The following ZNF334 variants were observed in gnomAD, a reference collection of about 807,000 sequenced individuals.
ZNF334 encodes zinc finger protein 334.
Under a neutral mutation model 12.4 loss-of-function variants are expected in ZNF334, and 14 were observed. That is an observed-to-expected ratio of 1.13 (90% CI 0.74 to 1.76). The LOEUF is 1.76. ZNF334 is among the 40% of genes most tolerant of loss of function. The pLI is 0.00. For missense variants in ZNF334, 797 were observed against 804.5 expected, an observed-to-expected ratio of 0.99 and a Z score of 0.11; for synonymous variants, 273 against 269.6, an observed-to-expected ratio of 1.01 and a Z score of -0.12.
At chr20:46,490,715 T>A in the ZNF334 span, among the ~76,000 whole-genome samples, 3 of 152,212 alleles carry the variant, frequency 2.0e-5, no homozygotes, top group Non-Finnish European at 2.9e-5. Flanking sequence ...CTTCTCATCC[T>A]ACCCCTCTAA....
chr20:46,464,209 A>G, the ZNF334 span: 2 of 530,900 alleles, frequency 3.8e-6, no homozygotes, highest in Admixed American at 2.0e-5. Context: ...TCCTTCATCA[A>G]AATCCCTGCA....
At chr20:46,477,437 C>G in the ZNF334 span, among the ~76,000 whole-genome samples, 1 of 151,980 alleles carries the variant, frequency 6.6e-6, no homozygotes, top group South Asian at 2.1e-4. Context: ...TGGTGGGGCT[C>G]AAGTGATCTT....
chr20:46,488,804 G>GTT, the ZNF334 span, among the ~76,000 whole-genome samples: 18 of 104,130 alleles, frequency 1.7e-4, no homozygotes, highest in East Asian at 2.6e-3. Context: ...CTAGTTAATA[G>GTT]TTTTTTTTTT....
chr20:46,508,703 G>T (rs1308284876), intron 2 of ZNF334, among the ~76,000 whole-genome samples: 1 of 152,108 alleles, frequency 6.6e-6, no homozygotes, highest in Non-Finnish European at 1.5e-5. Flanking sequence ...GGAAGGAGAG[G>T]GAAGGAAGGA....
the ZNF334 span, among the ~76,000 whole-genome samples, chr20:46,490,714 C>T: frequency 6.6e-6 from 1 of 152,176 alleles, no homozygotes; most frequent in African/African-American, 2.4e-5. Flanking sequence ...ACTTCTCATC[C>T]TACCCCTCTA....
chr20:46,502,790 G>C lies in ZNF334; in HGVS notation c.549C>G (p.Tyr183Ter). Residue 183 changes from tyrosine to a stop codon, truncating the protein, a stop_gained, in exon 5 of 5, where the codon TAC becomes TAG. Coordinates refer to ENST00000692313, the MANE Select transcript of ZNF334 (RefSeq NM_001353824.2). LOFTEE classifies it low-confidence loss of function (END_TRUNC). ...KSHLGMKKYR[Y>*]NPMRKASNQN... ...GATTGCTGGCTTTCCTCATTGGATT[G>C]TATCTGTATTTTTTCATTCCCAAAT... The C allele has an allele frequency of 6.2e-7, 1 of 1,613,832 alleles. No homozygotes were observed. The highest frequency in any genetic ancestry group is 8.5e-7 in the Non-Finnish European group (1 of 1,179,978).
chr20:46,486,909 G>A, the ZNF334 span, among the ~76,000 whole-genome samples: 2 of 152,064 alleles, frequency 1.3e-5, no homozygotes, highest in Admixed American at 6.5e-5. Flanking sequence ...TGATATTCTC[G>A]TCATCCACTC....
At chr20:46,510,001 A>G (rs1438114265) in intron 2 of ZNF334, among the ~76,000 whole-genome samples, 2 of 152,226 alleles carry the variant, frequency 1.3e-5, no homozygotes, top group African/African-American at 4.8e-5. Flanking sequence ...AGCTGAATGT[A>G]GACCATCTAG....
chr20:46,509,080 T>C (rs1276922775), intron 2 of ZNF334, among the ~76,000 whole-genome samples: 3 of 152,222 alleles, frequency 2.0e-5, no homozygotes, highest in Non-Finnish European at 4.4e-5. Flanking sequence ...CATAGAAATT[T>C]AACCTAAAAG....
Position 46,501,920 on chromosome 20 carries a change from C to G in ZNF334, c.1419G>C (p.Lys473Asn). 6.2e-7 allele frequency: 1 copy of G among 1,614,094 alleles called. No homozygotes were observed. Among genetic ancestry groups the G allele is most frequent in the South Asian group, 1.1e-5 (1 of 91,080 alleles). The change falls in exon 5 of 5, where the codon AAG becomes AAC. Residue 473 changes from lysine to asparagine, a missense_variant. Lys to Asn is a moderately conservative substitution (Grantham distance 94). Transcript: ENST00000692313. Reference protein sequence around the residue: ...CNECGKFFCHKSTLTIHQRTH... With the variant: ...CNECGKFFCHNSTLTIHQRTH... The stretch of plus-strand genomic sequence containing the variant: ...TTCTCTGATGTATAGTGAGTGTTGA[C>G]TTATGGCAGAAAAATTTCCCACATT...
chr20:46,502,932 C>T lies in ZNF334; in HGVS notation c.407G>A (p.Cys136Tyr), dbSNP rs2061294127. ...TTTCAAACTGTTTCCTCCTGGATTACATTTATAGGGCATTTTTCTTGAGGG... is the reference window on the plus strand; with the variant it reads ...TTTCAAACTGTTTCCTCCTGGATTATATTTATAGGGCATTTTTCTTGAGGG... ...SVPSRKMPYKCNPGGNSLKTN... is the reference protein window; with the variant it reads ...SVPSRKMPYKYNPGGNSLKTN... The change falls in exon 5 of 5, where the codon TGT (cysteine) becomes TAT (tyrosine). Residue 136 changes from cysteine to tyrosine, a missense_variant. Coordinates refer to ENST00000692313, the MANE Select transcript of ZNF334 (RefSeq NM_001353824.2). 6.2e-7 allele frequency: 1 copy of T among 1,613,876 alleles called. No homozygotes were observed. Among genetic ancestry groups the T allele is most frequent in the Non-Finnish European group, 8.5e-7 (1 of 1,179,980 alleles).
chr20:46,485,411 C>T, the ZNF334 span: 3 of 150,096 alleles, frequency 2.0e-5, no homozygotes, highest in Non-Finnish European at 3.0e-5. Context: ...TGGGTTAGCT[C>T]GGAAAAGTGT....
rs2061197292 is a variant in ZNF334 at position 46,501,953 on chromosome 20, T to C, written c.1386A>G (p.Glu462=). Reference sequence around the variant, plus strand: ...AGAAAAATTTCCCACATTCATTACATTCATAAGACTTCTTTCCTCTATGAG... The same window carrying C: ...AGAAAAATTTCCCACATTCATTACACTCATAAGACTTCTTTCCTCTATGAG... ...QITHRGKKSY[E]CNECGKFFCH... Residue 462 remains glutamate, a synonymous_variant, in exon 5 of 5, where the codon GAA becomes GAG. Coordinates refer to ENST00000692313, the MANE Select transcript of ZNF334 (RefSeq NM_001353824.2). The C allele has an allele frequency of 6.2e-7, 1 of 1,614,058 alleles. No individual in the cohort carries two copies.
At chr20:46,510,753 A>G (rs2061618181) in intron 2 of ZNF334, among the ~76,000 whole-genome samples, 1 of 100,236 alleles carries the variant, frequency 1.0e-5, no homozygotes, top group Non-Finnish European at 2.1e-5. Flanking sequence ...GTGAGAGCCC[A>G]TTTCAAAAAA....
chr20:46,510,052 G>A, intron 2 of ZNF334, among the ~76,000 whole-genome samples: 1 of 152,306 alleles, frequency 6.6e-6, no homozygotes, highest in South Asian at 2.1e-4. Flanking sequence ...ATATACAGTT[G>A]TTGAATGAAA....
In ZNF334 at chr20:46,501,637, CTGTG is replaced by C; in HGVS notation, c.1698_1701del (p.His566GlnfsTer137). ...TCATTACACTCATAGGGTCTCTGTC[CTGTG>C]TGTGTTCTCTGATGGTGAGTCAGGG... On this transcript the variant is annotated frameshift_variant, in exon 5 of 5. Coordinates refer to ENST00000692313, the MANE Select transcript of ZNF334 (RefSeq NM_001353824.2). LOFTEE classifies it low-confidence loss of function (END_TRUNC). The C allele has an allele frequency of 3.1e-6, 5 of 1,614,136 alleles. No homozygotes were observed. Among genetic ancestry groups the C allele is most frequent in the Non-Finnish European group, 4.2e-6 (5 of 1,180,012 alleles).
In ZNF334 at chr20:46,502,159, C is replaced by CAGT. The variant is rs1285155373; in HGVS notation, c.1177_1179dup (p.Thr393dup). The CAGT allele has an allele frequency of 2.2e-5, 35 of 1,614,004 alleles. No homozygotes were observed. The highest frequency in any genetic ancestry group is 2.8e-5 in the Non-Finnish European group (33 of 1,180,030). ...TCCCCTGTGTGAATTCTCTGATGCG[C>CAGT]AGTAAGGGCTGACTGACAGAAGAAG... On this transcript the variant is annotated inframe_insertion, in exon 5 of 5. Transcript: ENST00000692313.
chr20:46,480,224 A>G, the ZNF334 span, among the ~76,000 whole-genome samples: 1 of 152,174 alleles, frequency 6.6e-6, no homozygotes, highest in Non-Finnish European at 1.5e-5. Flanking sequence ...ACATTTGCCA[A>G]GTAAGGTCAC....
chr20:46,468,424 G>A, the ZNF334 span, among the ~76,000 whole-genome samples: 6 of 151,264 alleles, frequency 4.0e-5, no homozygotes, highest in African/African-American at 1.2e-4. Flanking sequence ...ACAGGCACCC[G>A]CCATCATGAC....
Sources: allele counts gnomAD v4.1 joint callset (sites outside exome capture counted in the v4.1 genomes callset), GRCh38; gene constraint gnomAD v4.1.1; transcripts MANE v1.5; gene names NCBI Gene and HGNC (gene_info 2026-07-23, HGNC 2026-07-21).